Variants in SNX19 observed in about 807,000 individuals in gnomAD.
SNX19 encodes sorting nexin 19.
In SNX19, 60 loss-of-function variants were observed where a neutral mutation model predicts 85.2. That is an observed-to-expected ratio of 0.70 (90% CI 0.57 to 0.87). The LOEUF (loss-of-function observed/expected upper bound fraction) is 0.87. SNX19 is among the 40% of genes least tolerant of loss of function. The pLI is 0.00. For missense variants in SNX19, 1,201 were observed against 1,217.8 expected (o/e 0.99, Z 0.21); for synonymous variants, 520 against 470.0 (o/e 1.11, Z -1.38).
At chr11:130,913,258 G>C (rs1592379442) in intron 1 of SNX19, among the ~76,000 whole-genome samples, 2 of 152,152 alleles carry the variant, frequency 1.3e-5, no homozygotes, top group East Asian at 3.9e-4. Flanking sequence ...GGGGCATCCA[G>C]AATTAGAACA....
chr11:130,871,076 A>C lies in SNX19; in HGVS notation c.*7346T>G, dbSNP rs1415912549. On this transcript the variant is annotated 3_prime_UTR_variant, in exon 11 of 11. Coordinates refer to ENST00000265909, the MANE Select transcript of SNX19 (RefSeq NM_014758.3). ...TTGCCCAGCTGGAGAAGAGAAGGTA[A>C]TCTACCACGTGGAAGGAAGGACATG... 6.6e-6 allele frequency among the ~76,000 whole-genome samples: 1 copy of C among 152,148 alleles called. No homozygotes were observed. The highest frequency in any genetic ancestry group is 1.5e-5 in the Non-Finnish European group (1 of 68,034).
chr11:130,896,570 T>C (rs1944891270), intron 8 of SNX19, among the ~76,000 whole-genome samples: 1 of 152,152 alleles, frequency 6.6e-6, no homozygotes, highest in Non-Finnish European at 1.5e-5. Flanking sequence ...AGGGGAAGCA[T>C]GGCAGAGCAG....
chr11:130,906,189 T>G, intron 6 of SNX19, 56 bp from the exon 7 acceptor site: 1 of 1,561,008 alleles, frequency 6.4e-7, no homozygotes. Context: ...GGGGAGCAAA[T>G]GCAGCACTCT....
In SNX19 at chr11:130,878,458, G is replaced by C; in HGVS notation, c.2943C>G (p.Thr981=). The C allele has an allele frequency of 6.2e-7, 1 of 1,613,858 alleles. No individual in the cohort carries two copies. Among genetic ancestry groups the C allele is most frequent in the South Asian group, 1.1e-5 (1 of 91,034 alleles). The stretch of plus-strand genomic sequence containing the variant: ...CACCCATCCTCTTAGAGTTGCCTGG[G>C]GTATCTGAGGCAGAGGTGGTAGCAG... ...ESAATTSASD[T]PGNSKRMGVS... The change falls in exon 11 of 11, where the codon ACC becomes ACG. Residue 981 remains threonine, a synonymous_variant. Coordinates refer to ENST00000265909, the MANE Select transcript of SNX19 (RefSeq NM_014758.3).
chr11:130,880,216 G>A (rs1391762240), intron 9 of SNX19, among the ~76,000 whole-genome samples: 1 of 152,212 alleles, frequency 6.6e-6, no homozygotes, highest in Non-Finnish European at 1.5e-5. Context: ...TGTGAGACAT[G>A]TGATTTTCTT....
intron 8 of SNX19, among the ~76,000 whole-genome samples, chr11:130,901,480 C>G (rs1945255095): frequency 6.6e-6 from 1 of 151,928 alleles, no homozygotes; most frequent in Non-Finnish European, 1.5e-5. Context: ...GTTAGGAACA[C>G]ATGGAAGGAA....
In SNX19 at chr11:130,914,189, C is replaced by T. The variant is rs1052912677; in HGVS notation, c.1674+77G>A. The T allele has an allele frequency of 3.2e-6, 4 of 1,260,540 alleles. No homozygotes were observed. In the African/African-American group the frequency reaches 4.5e-5, roughly 14 times the overall value. 78.1% of individuals were successfully genotyped at this position (1,260,540 alleles called of 1,614,324 possible). Reference sequence around the variant, plus strand: ...CTTCAAACTAACAGCATCTCTCCCCCAAGAACATTTGCTTCATGACTGCTT... The same window carrying T: ...CTTCAAACTAACAGCATCTCTCCCCTAAGAACATTTGCTTCATGACTGCTT... On this transcript the variant is annotated intron_variant, in intron 1 of 10. Transcript: ENST00000265909.
chr11:130,910,042 TG>T lies in SNX19; in HGVS notation c.2009del (p.Pro670HisfsTer7), dbSNP rs779425276. 2 of 1,613,828 alleles carry T rather than the reference TG, an allele frequency of 1.2e-6. No individual in the cohort carries two copies. Among genetic ancestry groups the T allele is most frequent in the South Asian group, 1.1e-5 (1 of 91,058 alleles). Reference protein sequence around the residue: ...TDARIAFVKKPFMVSRIDKMV... With the variant: ...TDARIAFVKKXFMVSRIDKMV... ...CCTTGTCTATTCTAGAGACCATAAA[TG>T]GTTTCTTGACAAAGGCAATACGAGC... is the stretch of plus-strand genomic sequence containing the variant. On this transcript the variant is annotated frameshift_variant, in exon 4 of 11. Coordinates refer to ENST00000265909, the MANE Select transcript of SNX19 (RefSeq NM_014758.3). LOFTEE classifies it high-confidence loss of function.
At chr11:130,879,506 G>C in intron 10 of SNX19, 118 bp downstream of exon 10, 1 of 838,974 alleles carries the variant, frequency 1.2e-6, no homozygotes, top group Non-Finnish European at 1.9e-6. Flanking sequence ...CCCAGAGCAA[G>C]TAAAGACTAC....
chr11:130,906,274 G>T (rs1945662710), intron 6 of SNX19, 141 bp from the exon 7 acceptor site: 2 of 871,686 alleles, frequency 2.3e-6, no homozygotes, highest in Non-Finnish European at 3.4e-6. Context: ...CTTTAGGAAA[G>T]ATTTTATTTT....
chr11:130,876,134 C>T lies in SNX19; in HGVS notation c.*2288G>A, dbSNP rs180802989. 5 of 152,280 alleles carry T rather than the reference C, an allele frequency of 3.3e-5. No individual in the cohort carries two copies. Among genetic ancestry groups the T allele is most frequent in the African/African-American group, 1.2e-4 (5 of 41,558 alleles). The allele number at this position is 152,280 out of a possible 1,614,324, so 9.4% of individuals were successfully genotyped here. A position where few individuals can be genotyped will look rare whatever the true frequency, so the allele number is the denominator to read the frequency against. ...GACTTAAATGAATAAAATTTAGTCA[C>T]GAGTAAATACAAAAAACAAGCAAAC... On this transcript the variant is annotated 3_prime_UTR_variant, in exon 11 of 11. Transcript: ENST00000265909.
At position 130,874,177 on chromosome 11, in the gene SNX19, CAT is replaced by C. The variant is rs1450583641; in HGVS notation, c.*4243_*4244del. ...AGGTGGAACCACAGGCGAGAGCCACCATGCCCCGCTCATTTTTTATATTTTTT... is the reference window on the plus strand; with the variant it reads ...AGGTGGAACCACAGGCGAGAGCCACCGCCCCGCTCATTTTTTATATTTTTT... On this transcript the variant is annotated 3_prime_UTR_variant, in exon 11 of 11. Transcript: ENST00000265909. 6.6e-6 allele frequency among the ~76,000 whole-genome samples: 1 copy of C among 152,120 alleles called. No homozygotes were observed. Among genetic ancestry groups the C allele is most frequent in the Admixed American group, 6.5e-5 (1 of 15,272 alleles).
At chr11:130,887,649 T>G (rs1944184888) in intron 8 of SNX19, among the ~76,000 whole-genome samples, 1 of 152,246 alleles carries the variant, frequency 6.6e-6, no homozygotes, top group African/African-American at 2.4e-5. Flanking sequence ...GTTAATGAAT[T>G]CTAGTCATTG....
chr11:130,905,614 A>T, intron 7 of SNX19: 3 of 1,399,850 alleles, frequency 2.1e-6, no homozygotes, highest in Non-Finnish European at 2.8e-6. Context: ...GGAAACTGAG[A>T]CACTAAGGGA....
intron 10 of SNX19, 84 bp downstream of exon 10, chr11:130,879,540 C>T: frequency 8.4e-7 from 1 of 1,197,514 alleles, no homozygotes; most frequent in Non-Finnish European, 1.2e-6. Context: ...GGAATGTGGG[C>T]TTTTCACTCA....
chr11:130,901,859 T>C (rs1266114219), intron 8 of SNX19: 2 of 152,124 alleles, frequency 1.3e-5, no homozygotes, highest in African/African-American at 2.4e-5. Context: ...GGAAACATAA[T>C]GGAAAAACCA....
Position 130,869,067 on chromosome 11 carries a change from T to C in SNX19, c.*9355A>G, listed in dbSNP as rs1250062146. On this transcript the variant is annotated 3_prime_UTR_variant, in exon 11 of 11. Transcript: ENST00000265909. ...TAGATAAGGTGAAAATTGTCTGCCA[T>C]GGTATATGCTGGAAAAACTCTGGGA... 1 of 152,160 alleles carries C rather than the reference T, an allele frequency of 6.6e-6. No individual in the cohort carries two copies. The highest frequency in any genetic ancestry group is 1.5e-5 in the Non-Finnish European group (1 of 68,032). The allele number at this position is 152,160 out of a possible 1,614,324, so 9.4% of individuals were successfully genotyped here.
At chr11:130,899,089 G>C (rs1450309457) in intron 8 of SNX19, among the ~76,000 whole-genome samples, 1 of 152,132 alleles carries the variant, frequency 6.6e-6, no homozygotes, top group Non-Finnish European at 1.5e-5. Flanking sequence ...TACCGCTTTC[G>C]CAGGACTTGG....
chr11:130,906,799 T>G, intron 5 of SNX19, 78 bp from the exon 6 acceptor site: 1 of 997,876 alleles, frequency 1.0e-6, no homozygotes, highest in Non-Finnish European at 1.6e-6. Context: ...CAAGTACTGA[T>G]AATAAAACAC....
Sources: allele counts gnomAD v4.1 joint callset (sites outside exome capture counted in the v4.1 genomes callset), GRCh38; gene constraint gnomAD v4.1.1; transcripts MANE v1.5; gene names NCBI Gene and HGNC (gene_info 2026-07-23, HGNC 2026-07-21).